The following MFSD6 variants were observed in gnomAD, a reference collection of about 807,000 sequenced individuals.
MFSD6 encodes major facilitator superfamily domain containing 6.
A neutral mutation model predicts 56.3 loss-of-function variants in MFSD6; 26 were observed. That is an observed-to-expected ratio of 0.46 (90% CI 0.34 to 0.64). The LOEUF (loss-of-function observed/expected upper bound fraction) is 0.64, where lower values mean the gene tolerates loss of function less well. Among genes scored for constraint, MFSD6 ranks in the 30% least tolerant of loss-of-function variants. The pLI is 0.01. For missense variants in MFSD6, 750 were observed against 986.2 expected (o/e 0.76, Z 3.21); for synonymous variants, 331 against 366.9 (o/e 0.90, Z 1.12).
At position 190,501,484 on chromosome 2, in the gene MFSD6, G is replaced by A. The variant is rs1690022211; in HGVS notation, c.*1266G>A. 6.6e-6 allele frequency: 1 copy of A among 152,184 alleles called. No individual in the cohort carries two copies. Among genetic ancestry groups the A allele is most frequent in the Non-Finnish European group, 1.5e-5 (1 of 68,032 alleles). 9.4% of individuals were successfully genotyped at this position (152,184 alleles called of 1,614,324 possible). Reference sequence around the variant, plus strand: ...AAAGCAGAGGTTAACAGGAAACCTGGGGGGAGTGTGGAAAAGGGAAAACTG... The same window carrying A: ...AAAGCAGAGGTTAACAGGAAACCTGAGGGGAGTGTGGAAAAGGGAAAACTG... On this transcript the variant is annotated 3_prime_UTR_variant, in exon 8 of 8. Transcript: ENST00000392328.
chr2:190,501,507 C>G lies in MFSD6; in HGVS notation c.*1289C>G, dbSNP rs549137628. 3.9e-5 allele frequency: 6 copies of G among 152,212 alleles called. No homozygotes were observed. Among genetic ancestry groups the G allele is most frequent in the African/African-American group, 1.4e-4 (6 of 41,528 alleles). The allele number at this position is 152,212 out of a possible 1,614,324, so 9.4% of individuals were successfully genotyped here. On this transcript the variant is annotated 3_prime_UTR_variant, in exon 8 of 8. Transcript: ENST00000392328. ...TGGGGGGAGTGTGGAAAAGGGAAAA[C>G]TGTTTTAGCTGAATAAAGGTGAATT...
At position 190,431,488 on chromosome 2, in the gene MFSD6, C is replaced by T. The variant is rs1454999779; in HGVS notation, c.-53-4489C>T. ...GAGGCCGAGGCTGGCGGATCACTCG[C>T]GATTAGGAGCTGGAGACTAGCCCGG... On this transcript the variant is annotated intron_variant, in intron 2 of 7. Coordinates refer to ENST00000392328, the MANE Select transcript of MFSD6 (RefSeq NM_017694.4). This position sits in a 1 kb window ranked among gnomAD's most constrained non-coding sequence, Gnocchi z 4.4. Among the ~76,000 whole-genome samples the T allele has an allele frequency of 8.5e-5, 13 of 152,228 alleles. No homozygotes were observed. Among genetic ancestry groups the T allele is most frequent in the African/African-American group, 1.4e-4 (6 of 41,470 alleles).
At position 190,499,929 on chromosome 2, in the gene MFSD6, TTC is replaced by T; in HGVS notation, c.2173-85_2173-84del. ...GCACTTCCGGATGATCTCCCCATGT[TTC>T]CTGTCTTACTTGAAAGCATATATAA... On this transcript the variant is annotated intron_variant, in intron 7 of 7. Coordinates refer to ENST00000392328, the MANE Select transcript of MFSD6 (RefSeq NM_017694.4). This position sits in a 1 kb window ranked among gnomAD's most constrained non-coding sequence, Gnocchi z 6.0. 1 of 1,593,394 alleles carries T rather than the reference TTC, an allele frequency of 6.3e-7. No homozygotes were observed. Among genetic ancestry groups the T allele is most frequent in the Non-Finnish European group, 8.6e-7 (1 of 1,165,588 alleles).
chr2:190,409,463 A>G (rs1167549189), intron 1 of MFSD6, among the ~76,000 whole-genome samples: 1 of 152,150 alleles, frequency 6.6e-6, no homozygotes, highest in Admixed American at 6.5e-5. Context: ...TCTAATCCCA[A>G]CTGGTATTTA....
intron 4 of MFSD6, chr2:190,477,393 A>G: frequency 1.0e-6 from 1 of 965,702 alleles, no homozygotes. Context: ...TACCTACAGA[A>G]AAGAAATGAC....
Position 190,417,811 on chromosome 2 carries a change from C to T in MFSD6, c.-54+2398C>T, listed in dbSNP as rs1372488866. Among the ~76,000 whole-genome samples the T allele has an allele frequency of 2.6e-5, 4 of 152,078 alleles. No individual in the cohort carries two copies. Among genetic ancestry groups the T allele is most frequent in the African/African-American group, 9.7e-5 (4 of 41,396 alleles). ...CTTTCAGAGTTCAATTTAAGCCCCT[C>T]GTTTTCTTGACAACCCCTGTCTGAA... On this transcript the variant is annotated intron_variant, in intron 2 of 7. Transcript: ENST00000392328. The surrounding 1 kb of genome is among the most constrained non-coding windows in gnomAD (Gnocchi z 5.7).
rs147861089 is a variant in MFSD6 at position 190,499,070 on chromosome 2, C to T, written c.2173-945C>T. 2.4e-3 allele frequency among the ~76,000 whole-genome samples: 369 copies of T among 152,262 alleles called. 1 individual carries two copies. The highest frequency in any genetic ancestry group is 8.4e-3 in the African/African-American group (350 of 41,564). On this transcript the variant is annotated intron_variant, in intron 7 of 7. Transcript: ENST00000392328. The surrounding 1 kb of genome is among the most constrained non-coding windows in gnomAD (Gnocchi z 6.0). ...AGGCTGAGGCAGAGAATTGCTTGAA[C>T]CCAGCAGGAGGAGGTTGCAGTGAGC...
rs754607980 is a variant in MFSD6 at position 190,500,212 on chromosome 2, A to G, written c.2370A>G (p.Gly790=). ...AGCAGGCTCAGCTGGCCGCGGGAGGACACTGAGGGCATCCTGCTCATCTCA... is the reference window on the plus strand; with the variant it reads ...AGCAGGCTCAGCTGGCCGCGGGAGGGCACTGAGGGCATCCTGCTCATCTCA... ...EEQQAQLAAG[G]H is the part of the protein sequence containing the mutation. The change falls in exon 8 of 8, where the codon GGA becomes GGG. Residue 790 remains glycine (G), a synonymous_variant. Transcript: ENST00000392328. The surrounding 1 kb of genome is among the most constrained non-coding windows in gnomAD (Gnocchi z 5.3). The G allele has an allele frequency of 1.9e-6, 3 of 1,614,116 alleles. No homozygotes were observed. The highest frequency in any genetic ancestry group is 2.5e-6 in the Non-Finnish European group (3 of 1,180,012).
chr2:190,499,713 T>A lies in MFSD6; in HGVS notation c.2173-302T>A. The stretch of plus-strand genomic sequence containing the variant: ...TTGCCACATGGCTTGGGGGGCTCAG[T>A]AAATATTTGCTGATGTAAACTGTTT... On this transcript the variant is annotated intron_variant, in intron 7 of 7. Coordinates refer to ENST00000392328, the MANE Select transcript of MFSD6 (RefSeq NM_017694.4). The surrounding 1 kb of genome is among the most constrained non-coding windows in gnomAD (Gnocchi z 6.0). 1 of 1,108,854 alleles carries A rather than the reference T, an allele frequency of 9.0e-7. No individual in the cohort carries two copies. Among genetic ancestry groups the A allele is most frequent in the Non-Finnish European group, 1.2e-6 (1 of 818,938 alleles). 68.7% of individuals were successfully genotyped at this position (1,108,854 alleles called of 1,614,324 possible).
rs117896644 is a variant in MFSD6, at chr2:190,493,414, T to C, written c.1891+3548T>C. 2.6e-3 allele frequency among the ~76,000 whole-genome samples: 401 copies of C among 152,240 alleles called. 15 individuals carry two copies. In the East Asian group the frequency reaches 0.065, roughly 25 times the overall value. The stretch of plus-strand genomic sequence containing the variant: ...ACTACCAGACCTAAGTAATGAGATA[T>C]ACAGCAACACAATAATAGTGGGAGA... On this transcript the variant is annotated intron_variant, in intron 6 of 7. Coordinates refer to ENST00000392328, the MANE Select transcript of MFSD6 (RefSeq NM_017694.4).
chr2:190,436,653 C>A lies in MFSD6; in HGVS notation c.624C>A (p.Val208=). Residue 208 remains valine, a synonymous_variant, in exon 3 of 8, where the codon GTC becomes GTA. Coordinates refer to ENST00000392328, the MANE Select transcript of MFSD6 (RefSeq NM_017694.4). This position sits in a 1 kb window ranked among gnomAD's most constrained non-coding sequence, Gnocchi z 5.3. ...ACCTTTTGGAAACAAGGCTCAATGT[C>A]TCAGACACCGTTACTTTGCCAACAG... is the stretch of plus-strand genomic sequence containing the variant. ...KRNLLETRLN[V]SDTVTLPTAP... 1 of 1,614,180 alleles carries A rather than the reference C, an allele frequency of 6.2e-7. No individual in the cohort carries two copies. Among genetic ancestry groups the A allele is most frequent in the Non-Finnish European group, 8.5e-7 (1 of 1,180,046 alleles).
rs1034424163 is a variant in MFSD6, at chr2:190,458,384, C to T, written c.1533-11374C>T. 1.3e-5 allele frequency among the ~76,000 whole-genome samples: 2 copies of T among 152,122 alleles called. No homozygotes were observed. The highest frequency in any genetic ancestry group is 2.9e-5 in the Non-Finnish European group (2 of 68,030). ...AGGCACAAGGGAAGATAGGCGATGA[C>T]ACAGGGAGAGGATGACTTGTCTGCA... On this transcript the variant is annotated intron_variant, in intron 3 of 7. Transcript: ENST00000392328. This position sits in a 1 kb window ranked among gnomAD's most constrained non-coding sequence, Gnocchi z 5.3.
chr2:190,475,867 T>C (rs1462690247), intron 4 of MFSD6, among the ~76,000 whole-genome samples: 1 of 151,986 alleles, frequency 6.6e-6, no homozygotes, highest in Non-Finnish European at 1.5e-5. Flanking sequence ...AACAGAGATA[T>C]AGACCAATGG....
In MFSD6 at chr2:190,443,315, C is replaced by T. The variant is rs370842603; in HGVS notation, c.1532+5754C>T. On this transcript the variant is annotated intron_variant, in intron 3 of 7. Transcript: ENST00000392328. This position sits in a 1 kb window ranked among gnomAD's most constrained non-coding sequence, Gnocchi z 4.2. The stretch of plus-strand genomic sequence containing the variant: ...GGACAAGTTACAGAACTTTTTGCAT[C>T]TCTGTATTGTTATCTATAAATAGGG... Among the ~76,000 whole-genome samples the T allele has an allele frequency of 2.6e-5, 4 of 152,150 alleles. No individual in the cohort carries two copies. The highest frequency in any genetic ancestry group is 9.7e-5 in the African/African-American group (4 of 41,432).
Position 190,437,245 on chromosome 2 carries a change from G to A in MFSD6, c.1216G>A (p.Val406Met), listed in dbSNP as rs767648629. The A allele has an allele frequency of 6.2e-7, 1 of 1,614,208 alleles. No individual in the cohort carries two copies. Among genetic ancestry groups the A allele is most frequent in the Non-Finnish European group, 8.5e-7 (1 of 1,180,050 alleles). The stretch of plus-strand genomic sequence containing the variant: ...AAACGATGATTCTAAAGGGAAAGAG[G>A]TGGAGATCCCGCAGGTGGAAAGGAA... ...FKNDDSKGKE[V>M]EIPQVERNNS... Residue 406 changes from valine to methionine, a missense_variant, in exon 3 of 8, where the codon GTG becomes ATG. Val to Met is a conservative substitution (Grantham distance 21). Coordinates refer to ENST00000392328, the MANE Select transcript of MFSD6 (RefSeq NM_017694.4). This position sits in a 1 kb window ranked among gnomAD's most constrained non-coding sequence, Gnocchi z 5.9.
rs918759124 is a variant in MFSD6 at position 190,492,114 on chromosome 2, A to G, written c.1891+2248A>G. Among the ~76,000 whole-genome samples the G allele has an allele frequency of 6.6e-6, 1 of 152,230 alleles. No homozygotes were observed. The highest frequency in any genetic ancestry group is 1.5e-5 in the Non-Finnish European group (1 of 68,036). On this transcript the variant is annotated intron_variant, in intron 6 of 7. Transcript: ENST00000392328. The surrounding 1 kb of genome is among the most constrained non-coding windows in gnomAD (Gnocchi z 5.2). ...TTAATCCAACGAAGACAAAGAAAAA[A>G]GAATTTTAAAAAATGAACAAAGCCT...
At chr2:190,448,057 T>C (rs902248665) in intron 3 of MFSD6, among the ~76,000 whole-genome samples, 4 of 152,228 alleles carry the variant, frequency 2.6e-5, no homozygotes, top group African/African-American at 9.6e-5. Context: ...GCTGGGTTGA[T>C]TGAGGTACTT....
rs1028903240 is a variant in MFSD6 at position 190,424,097 on chromosome 2, CTCTTTGCAGAGTCTTT to C, written c.-54+8686_-54+8701del. Among the ~76,000 whole-genome samples the C allele has an allele frequency of 4.6e-5, 7 of 152,118 alleles. No individual in the cohort carries two copies. The highest frequency in any genetic ancestry group is 2.6e-4 in the Admixed American group (4 of 15,264). The stretch of plus-strand genomic sequence containing the variant: ...ACAGTCTGTAGCTTGTGTTTTCATC[CTCTTTGCAGAGTCTTT>C]TAAAGAGCAAAAGTTTTAAATTTTA... On this transcript the variant is annotated intron_variant, in intron 2 of 7. Transcript: ENST00000392328. This position sits in a 1 kb window ranked among gnomAD's most constrained non-coding sequence, Gnocchi z 5.9.
chr2:190,438,887 A>G lies in MFSD6; in HGVS notation c.1532+1326A>G, dbSNP rs1376006802. 1.3e-5 allele frequency among the ~76,000 whole-genome samples: 2 copies of G among 152,138 alleles called. No individual in the cohort carries two copies. Among genetic ancestry groups the G allele is most frequent in the Admixed American group, 1.3e-4 (2 of 15,280 alleles). ...TCAACCATTTCTTTAAGCAATTGTG[A>G]GTATTTTTTCTTGTTGGTTTGGTTT... On this transcript the variant is annotated intron_variant, in intron 3 of 7. Transcript: ENST00000392328. The surrounding 1 kb of genome is among the most constrained non-coding windows in gnomAD (Gnocchi z 5.2).
Sources: allele counts gnomAD v4.1 joint callset (sites outside exome capture counted in the v4.1 genomes callset), GRCh38; gene constraint gnomAD v4.1.1; non-coding constraint Gnocchi (gnomAD v3.1); transcripts MANE v1.5; gene names NCBI Gene and HGNC (gene_info 2026-07-23, HGNC 2026-07-21).